DTNA: variants seen among roughly 807,000 people sequenced by gnomAD.
DTNA encodes dystrobrevin alpha.
DTNA carries 43 observed loss-of-function variants against 100.7 expected under a neutral mutation model. That is an observed-to-expected ratio of 0.43 (90% CI 0.33 to 0.55). The LOEUF (loss-of-function observed/expected upper bound fraction) is 0.55, where lower values mean the gene tolerates loss of function less well. Ranked by LOEUF, DTNA falls within the 20% of genes least tolerant of loss-of-function variation. The pLI is 0.04. For missense variants in DTNA, 798 were observed against 953.9 expected (o/e 0.84, Z 2.15); for synonymous variants, 349 against 347.9 (o/e 1.00, Z -0.04).
chr18:34,773,080 C>T lies in DTNA; in HGVS notation c.148+7039C>T, dbSNP rs998163379. Among the ~76,000 whole-genome samples, 40 of 152,208 alleles carry T rather than the reference C, an allele frequency of 2.6e-4. 1 individual carries two copies. Among genetic ancestry groups the T allele is most frequent in the Non-Finnish European group, 1.5e-5 (1 of 68,040 alleles). ...TTCCAGCCCAGCTAGAGTGTCCTCT[C>T]TGACTTCCCCATTTATGACTAGCCA... is the stretch of plus-strand genomic sequence containing the variant. On this transcript the variant is annotated intron_variant, in intron 3 of 22. Coordinates refer to ENST00000444659, the MANE Select transcript of DTNA (RefSeq NM_001386795.1).
At chr18:34,766,244 A>T (rs2093460357) in intron 3 of DTNA, among the ~76,000 whole-genome samples, 1 of 152,184 alleles carries the variant, frequency 6.6e-6, no homozygotes, top group African/African-American at 2.4e-5. Flanking sequence ...CTTAAATACT[A>T]AAGCATATGA....
At chr18:34,512,128 C>T (rs2041152046) in intron 1 of DTNA, among the ~76,000 whole-genome samples, 1 of 152,006 alleles carries the variant, frequency 6.6e-6, no homozygotes, top group Non-Finnish European at 1.5e-5. Flanking sequence ...CCAGAAGTCC[C>T]ACTGGCTCTA....
At chr18:34,686,449 T>C (rs2078913297) in intron 1 of DTNA, among the ~76,000 whole-genome samples, 1 of 152,198 alleles carries the variant, frequency 6.6e-6, no homozygotes, top group Non-Finnish European at 1.5e-5. Context: ...GTTTATTGAT[T>C]TGTGTATGTT....
intron 3 of DTNA, among the ~76,000 whole-genome samples, chr18:34,768,586 C>T (rs943006857): frequency 6.6e-6 from 1 of 152,156 alleles, no homozygotes; most frequent in Admixed American, 6.5e-5. Context: ...GGTCCACATC[C>T]TTATCCTGCA....
intron 1 of DTNA, among the ~76,000 whole-genome samples, chr18:34,713,463 G>C (rs796437630): frequency 3.6e-4 from 55 of 152,174 alleles, no homozygotes; most frequent in African/African-American, 1.3e-3. Flanking sequence ...CGTTATTTCT[G>C]AGGGCTCTGT....
At chr18:34,783,464 G>C (rs1286984912) in intron 3 of DTNA, among the ~76,000 whole-genome samples, 1 of 152,150 alleles carries the variant, frequency 6.6e-6, no homozygotes, top group Non-Finnish European at 1.5e-5. Context: ...AAACTAAAAT[G>C]TTATCTCTGT....
intron 1 of DTNA, among the ~76,000 whole-genome samples, chr18:34,551,933 C>T (rs10502631): frequency 0.1 from 15,305 of 151,982 alleles, 1,143 homozygotes; most frequent in African/African-American, 0.2. Flanking sequence ...TTCAACTGGC[C>T]TTATATTTCC....
intron 3 of DTNA, among the ~76,000 whole-genome samples, chr18:34,771,169 G>C (rs1248569474): frequency 1.3e-5 from 2 of 151,926 alleles, no homozygotes; most frequent in African/African-American, 4.8e-5. Context: ...TTGTCCCTTG[G>C]TCCACAAAAA....
At chr18:34,775,465 G>A (rs368089873) in intron 3 of DTNA, among the ~76,000 whole-genome samples, 2 of 152,192 alleles carry the variant, frequency 1.3e-5, no homozygotes, top group East Asian at 3.9e-4. Flanking sequence ...CTGGGCGACA[G>A]AGCGAGACTC....
At chr18:34,788,951 T>C (rs1242246764) in intron 3 of DTNA, among the ~76,000 whole-genome samples, 15 of 152,242 alleles carry the variant, frequency 9.9e-5, no homozygotes, top group Admixed American at 9.8e-4. Flanking sequence ...ATCTATTATG[T>C]AAATACACGT....
intron 1 of DTNA, among the ~76,000 whole-genome samples, chr18:34,552,009 A>G (rs1002564193): frequency 5.3e-5 from 8 of 151,894 alleles, no homozygotes; most frequent in Non-Finnish European, 1.2e-4. Flanking sequence ...TGTCTCAGCC[A>G]TTTGTCATCA....
intron 1 of DTNA, among the ~76,000 whole-genome samples, chr18:34,563,659 G>C (rs1447859844): frequency 2.0e-5 from 3 of 152,084 alleles, no homozygotes; most frequent in Non-Finnish European, 4.4e-5. Flanking sequence ...ACATTTGTTT[G>C]TTGGTTTTAA....
chr18:34,561,985 T>A lies in DTNA; in HGVS notation c.-2+68471T>A, dbSNP rs2046680548. On this transcript the variant is annotated intron_variant, in intron 1 of 19. Transcript: ENST00000283365. ...AGTTAAGTGATTGCATTTTTTTCTT[T>A]CCACTCTCCAAGTTATCTTTGTTTG... 2.0e-5 allele frequency among the ~76,000 whole-genome samples: 3 copies of A among 152,202 alleles called. No homozygotes were observed. The South Asian group carries it at 6.2e-4, about 31-fold the overall frequency.
intron 1 of DTNA, among the ~76,000 whole-genome samples, chr18:34,716,601 A>T (rs1011992766): frequency 1.3e-5 from 2 of 152,182 alleles, no homozygotes; most frequent in South Asian, 4.1e-4. Flanking sequence ...GCAAGAAGTC[A>T]TAGACATGGC....
intron 1 of DTNA, among the ~76,000 whole-genome samples, chr18:34,521,492 A>G (rs1468584765): frequency 3.3e-5 from 5 of 152,140 alleles, no homozygotes; most frequent in African/African-American, 1.2e-4. Flanking sequence ...GTCATGTCCC[A>G]TCACACTTAG....
At chr18:34,694,937 C>T (rs567288988) in intron 1 of DTNA, among the ~76,000 whole-genome samples, 1 of 152,250 alleles carries the variant, frequency 6.6e-6, no homozygotes, top group Non-Finnish European at 1.5e-5. Context: ...ATTTAGCCTC[C>T]CTCAGTTCCT....
At chr18:34,872,603 A>T (rs2096776349) in intron 17 of DTNA, among the ~76,000 whole-genome samples, 1 of 152,240 alleles carries the variant, frequency 6.6e-6, no homozygotes, top group African/African-American at 2.4e-5. Context: ...CAGAATTGCA[A>T]ATAAGAGATT....
intron 1 of DTNA, among the ~76,000 whole-genome samples, chr18:34,652,977 C>G (rs931048709): frequency 6.6e-6 from 1 of 152,046 alleles, no homozygotes; most frequent in Non-Finnish European, 1.5e-5. Flanking sequence ...TCCTAATGAT[C>G]CACATTGCCA....
At chr18:34,527,624 T>C (rs540960936) in intron 1 of DTNA, among the ~76,000 whole-genome samples, 144 of 152,242 alleles carry the variant, frequency 9.5e-4, no homozygotes, top group African/African-American at 3.3e-3. Flanking sequence ...TCAGTTTTGT[T>C]ACTTGTATAT....
Sources: allele counts gnomAD v4.1 joint callset (sites outside exome capture counted in the v4.1 genomes callset), GRCh38; gene constraint gnomAD v4.1.1; transcripts MANE v1.5; gene names NCBI Gene and HGNC (gene_info 2026-07-23, HGNC 2026-07-21).